MORN1: variants seen among roughly 807,000 people sequenced by gnomAD.
The protein encoded by MORN1 is MORN repeat-containing protein 1.
In MORN1, 67 loss-of-function variants were observed where a neutral mutation model predicts 61.9. The ratio of observed to expected loss-of-function variants is 1.08; its 90% CI spans 0.89 to 1.33. The LOEUF (loss-of-function observed/expected upper bound fraction) is 1.33. Ranked by LOEUF, MORN1 falls within the 40% of genes most tolerant of loss-of-function variation. The pLI, the probability that MORN1 is intolerant of heterozygous loss-of-function variation, is 0.00. For synonymous variants in MORN1, 301 were observed against 292.0 expected (o/e 1.03, Z -0.31); for missense variants, 752 against 691.2 (o/e 1.09, Z -0.99).
chr1:2,344,266 C>T (rs1641462148), intron 10 of MORN1, among the ~76,000 whole-genome samples: 2 of 152,100 alleles, frequency 1.3e-5, no homozygotes, highest in Admixed American at 6.6e-5. Flanking sequence ...AAGGGGCTGG[C>T]GGGCCTGGGA....
chr1:2,370,934 GGTGGCTCAC>G lies in MORN1; in HGVS notation c.745+1538_745+1546del, dbSNP rs554979365. ...TGATCTCCTGGACTTGGCCGGGCACGGTGGCTCACGTCTGTAATCCCAGCACTTTGGGAG... is the reference window on the plus strand; with the variant it reads ...TGATCTCCTGGACTTGGCCGGGCACGGTCTGTAATCCCAGCACTTTGGGAG... On this transcript the variant is annotated intron_variant, in intron 8 of 13. Coordinates refer to ENST00000378531, the MANE Select transcript of MORN1 (RefSeq NM_024848.3). 4.0e-3 allele frequency among the ~76,000 whole-genome samples: 615 copies of G among 151,976 alleles called. 2 individuals are homozygous for G. The highest frequency in any genetic ancestry group is 0.014 in the African/African-American group (568 of 41,442).
chr1:2,348,955 T>A (rs922527244), intron 10 of MORN1, among the ~76,000 whole-genome samples: 1 of 151,888 alleles, frequency 6.6e-6, no homozygotes, highest in African/African-American at 2.4e-5. Flanking sequence ...CACCCCTGAG[T>A]GCCAGCCCAC....
At chr1:2,329,344 AAAG>A (rs1641099696) in intron 12 of MORN1, among the ~76,000 whole-genome samples, 2 of 152,168 alleles carry the variant, frequency 1.3e-5, no homozygotes, top group South Asian at 2.1e-4. Context: ...AAAAGTTTCT[AAAG>A]AAGAACCCAG....
chr1:2,345,221 C>T (rs915835881), intron 10 of MORN1, among the ~76,000 whole-genome samples: 5 of 152,244 alleles, frequency 3.3e-5, no homozygotes, highest in African/African-American at 1.2e-4. Flanking sequence ...CATGGGCGGT[C>T]CCCAGGCTGC....
chr1:2,336,735 G>T lies in MORN1; in HGVS notation c.1152C>A (p.Phe384Leu), dbSNP rs1641288069. The change falls in exon 11 of 14, where the codon TTC (phenylalanine) becomes TTA (leucine). Residue 384 changes from phenylalanine (F) to leucine (L), a missense_variant. Coordinates refer to ENST00000378531, the MANE Select transcript of MORN1 (RefSeq NM_024848.3). The part of the protein sequence containing the change: ...PPPPGYHPFL[F>L]LDSLHKKAGG... ...CACCCACCTTGTGGAGGCTGTCCAG[G>T]AACAGGAAGGGGTGGTACCCAGGCG... 1 of 1,585,162 alleles carries T rather than the reference G, an allele frequency of 6.3e-7. No homozygotes were observed. The highest frequency in any genetic ancestry group is 8.6e-7 in the Non-Finnish European group (1 of 1,166,270).
At position 2,389,997 on chromosome 1, in the gene MORN1, CTGAG is replaced by C; in HGVS notation, c.77-5_77-2del. 1 of 1,613,258 alleles carries C rather than the reference CTGAG, an allele frequency of 6.2e-7. No homozygotes were observed. On this transcript the variant is annotated splice_acceptor_variant and splice_polypyrimidine_tract_variant and intron_variant, in intron 1 of 13. Coordinates refer to ENST00000378531, the MANE Select transcript of MORN1 (RefSeq NM_024848.3). LOFTEE classifies it high-confidence loss of function. Reference sequence around the variant, plus strand: ...TTTGGGTATACGTAGACACCATAACCTGAGTATTGAGAAGACACACACAGGTAAG... The same window carrying C: ...TTTGGGTATACGTAGACACCATAACCTATTGAGAAGACACACACAGGTAAG...
intron 10 of MORN1, chr1:2,355,353 C>T (rs528213318): frequency 1.3e-6 from 2 of 1,527,294 alleles, no homozygotes; most frequent in African/African-American, 1.4e-5. Flanking sequence ...CCTGCTGCCC[C>T]ACCTGGGATG....
intron 2 of MORN1, among the ~76,000 whole-genome samples, chr1:2,389,291 C>T (rs769038125): frequency 2.0e-5 from 3 of 152,140 alleles, no homozygotes; most frequent in Non-Finnish European, 2.9e-5. Context: ...TGTTTTGAGA[C>T]GGAGTCTCAG....
chr1:2,322,131 G>A (rs907739147), intron 13 of MORN1: 16 of 985,296 alleles, frequency 1.6e-5, no homozygotes, highest in Non-Finnish European at 1.9e-5. Context: ...GCCCTGCTGG[G>A]GGCACTCGGC....
intron 13 of MORN1, chr1:2,322,415 C>T: frequency 1.0e-6 from 1 of 985,374 alleles, no homozygotes; most frequent in Non-Finnish European, 1.2e-6. Context: ...AGACGCCGGC[C>T]TGGAAAACAG....
Position 2,358,846 on chromosome 1 carries a change from TG to T in MORN1, c.746-132del, listed in dbSNP as rs1318243926. On this transcript the variant is annotated intron_variant, in intron 8 of 13. Transcript: ENST00000378531. The stretch of plus-strand genomic sequence containing the variant: ...CCACATTTGCCAGTGGCTGTGACCC[TG>T]GTGGGCTGAGGACCCCGGCTTGCCC... The T allele has an allele frequency of 2.3e-4, 270 of 1,167,044 alleles. 1 individual carries two copies. The highest frequency in any genetic ancestry group is 3.1e-5 in the Non-Finnish European group (26 of 832,986). The allele number at this position is 1,167,044 out of a possible 1,614,324, so 72.3% of individuals were successfully genotyped here.
intron 10 of MORN1, among the ~76,000 whole-genome samples, chr1:2,348,151 C>A (rs925362817): frequency 6.6e-6 from 1 of 152,244 alleles, no homozygotes; most frequent in Admixed American, 6.5e-5. Flanking sequence ...CCGGGCCTTT[C>A]CCTGACTGCC....
chr1:2,323,546 G>A, intron 13 of MORN1: 1 of 985,360 alleles, frequency 1.0e-6, no homozygotes, highest in Non-Finnish European at 1.2e-6. Flanking sequence ...GGCTTGGTGG[G>A]GGGGTGCCAG....
intron 12 of MORN1, among the ~76,000 whole-genome samples, chr1:2,327,721 G>A (rs890765298): frequency 2.6e-5 from 4 of 152,220 alleles, no homozygotes; most frequent in South Asian, 2.1e-4. Context: ...GGGCAGGCGC[G>A]GCGGGCAGGC....
intron 8 of MORN1, among the ~76,000 whole-genome samples, chr1:2,368,307 G>A (rs1409243093): frequency 2.0e-5 from 3 of 152,256 alleles, no homozygotes; most frequent in Admixed American, 1.3e-4. Context: ...TACAGCTCCT[G>A]CAGAGCGGGG....
intron 13 of MORN1, chr1:2,323,466 C>T (rs942359847): frequency 2.4e-5 from 24 of 985,288 alleles, no homozygotes; most frequent in Middle Eastern, 5.2e-4. Context: ...GCCAGTCAGC[C>T]GCGGTGCCCA....
chr1:2,370,540 A>T (rs1209506669), intron 8 of MORN1, among the ~76,000 whole-genome samples: 1 of 152,264 alleles, frequency 6.6e-6, no homozygotes, highest in East Asian at 1.9e-4. Flanking sequence ...AGCATTAGGC[A>T]AATGAAAAGA....
chr1:2,384,878 G>T, intron 6 of MORN1, 100 bp downstream of exon 6: 1 of 1,022,224 alleles, frequency 9.8e-7, no homozygotes, highest in Non-Finnish European at 1.4e-6. Context: ...CCTGGCACAT[G>T]GAGAAGCTGC....
At chr1:2,351,314 G>A (rs542566816) in intron 10 of MORN1, 14 of 153,692 alleles carry the variant, frequency 9.1e-5, no homozygotes, top group Non-Finnish European at 2.9e-5. Flanking sequence ...ACTACAGGCT[G>A]TTTCGGGGTC....
Sources: gnomAD v4.1 joint callset for allele counts (sites outside exome capture counted in the v4.1 genomes callset) on GRCh38, gnomAD v4.1.1 for gene constraint, MANE v1.5 for transcripts, NCBI Gene and HGNC (gene_info 2026-07-23, HGNC 2026-07-21) for gene names.